LRBA: variants seen among roughly 807,000 people sequenced by gnomAD.
LRBA encodes the protein lipopolysaccharide-responsive and beige-like anchor protein.
A neutral mutation model predicts 330.0 loss-of-function variants in LRBA; 176 were observed. That is an observed-to-expected ratio of 0.53 (90% CI 0.47 to 0.60). The LOEUF (loss-of-function observed/expected upper bound fraction) is 0.60. Ranked by LOEUF, LRBA falls within the 20% of genes least tolerant of loss-of-function variation. LRBA has a pLI of 0.00. For synonymous variants in LRBA, 1,230 were observed against 1,193.0 expected (o/e 1.03, Z -0.64); for missense variants, 3,259 against 3,444.8 (o/e 0.95, Z 1.35).
chr4:150,909,741 T>C (rs1731766062), intron 9 of LRBA, among the ~76,000 whole-genome samples: 1 of 152,154 alleles, frequency 6.6e-6, no homozygotes, highest in Non-Finnish European at 1.5e-5. Context: ...CCTCATATTG[T>C]TGTCCATAGC....
chr4:150,463,794 A>G (rs1755084917), intron 44 of LRBA, among the ~76,000 whole-genome samples: 1 of 151,964 alleles, frequency 6.6e-6, no homozygotes, highest in Non-Finnish European at 1.5e-5. Flanking sequence ...ATATAATTTC[A>G]ATGAACATTC....
chr4:150,836,869 T>G (rs1413248338), intron 28 of LRBA, among the ~76,000 whole-genome samples: 1 of 152,236 alleles, frequency 6.6e-6, no homozygotes, highest in Non-Finnish European at 1.5e-5. Context: ...CTTCTCTAAT[T>G]ATTTTAATTG....
chr4:150,591,957 C>T (rs1331711378), intron 38 of LRBA, among the ~76,000 whole-genome samples: 10 of 152,064 alleles, frequency 6.6e-5, no homozygotes, highest in Admixed American at 6.5e-4. Flanking sequence ...CAGATGCTAA[C>T]TTCTAAATTG....
chr4:150,827,586 T>C (rs1450688587), intron 30 of LRBA, among the ~76,000 whole-genome samples: 1 of 151,882 alleles, frequency 6.6e-6, no homozygotes, highest in African/African-American at 2.4e-5. Context: ...TTTTCTTCCT[T>C]ATGATTTCTT....
chr4:150,554,268 T>C (rs1326758368), intron 40 of LRBA, among the ~76,000 whole-genome samples: 1 of 152,104 alleles, frequency 6.6e-6, no homozygotes, highest in Non-Finnish European at 1.5e-5. Flanking sequence ...ATAGTTAAAT[T>C]AAACAGAGTC....
chr4:150,280,806 G>A (rs373480546), intron 55 of LRBA, among the ~76,000 whole-genome samples: 3 of 152,192 alleles, frequency 2.0e-5, no homozygotes, highest in East Asian at 1.9e-4. Context: ...CTCGCCTCCC[G>A]AGGTAGTGAG....
At chr4:150,530,794 A>C (rs1272536656) in intron 40 of LRBA, among the ~76,000 whole-genome samples, 1 of 152,204 alleles carries the variant, frequency 6.6e-6, no homozygotes, top group African/African-American at 2.4e-5. Flanking sequence ...AGATGAGCAA[A>C]AAAGGAAAAG....
At chr4:150,379,416 G>C (rs1386420685) in intron 47 of LRBA, among the ~76,000 whole-genome samples, 1 of 149,448 alleles carries the variant, frequency 6.7e-6, no homozygotes, top group Non-Finnish European at 1.5e-5. Context: ...TATCAAGTTT[G>C]TATTAGAAAA....
At chr4:150,553,072 AAAAAAAAG>A (rs1413823137) in intron 40 of LRBA, among the ~76,000 whole-genome samples, 12 of 151,984 alleles carry the variant, frequency 7.9e-5, no homozygotes, top group Admixed American at 3.9e-4. Context: ...CTGTCTCAAA[AAAAAAAAG>A]AAAAAAAGAA....
intron 38 of LRBA, 108 bp from the exon 39 acceptor site, chr4:150,590,967 T>A: frequency 1.1e-6 from 1 of 904,356 alleles, no homozygotes; most frequent in Non-Finnish European, 1.7e-6. Flanking sequence ...CAATCTTTTA[T>A]ACACAGTGTC....
Position 150,828,247 on chromosome 4 carries a change from G to C in LRBA, c.5104C>G (p.Pro1702Ala). 1 of 1,614,144 alleles carries C rather than the reference G, an allele frequency of 6.2e-7. No homozygotes were observed. Among genetic ancestry groups the C allele is most frequent in the Non-Finnish European group, 8.5e-7 (1 of 1,180,006 alleles). Residue 1702 changes from proline (P) to alanine (A), a missense_variant, in exon 30 of 57, where the codon CCA becomes GCA. Coordinates refer to ENST00000651943, the MANE Select transcript of LRBA (RefSeq NM_001364905.1). Reference sequence around the variant, plus strand: ...TCACCAAGGGCTCCAAGGCAGGCTGGTGGCAGAAGGGCAGGATCCACTGTG... The same window carrying C: ...TCACCAAGGGCTCCAAGGCAGGCTGCTGGCAGAAGGGCAGGATCCACTGTG... ...GVTVDPALLP[P>A]ACLGALGDLS... is the part of the protein sequence containing the mutation.
chr4:150,367,169 G>A (rs936703678), intron 47 of LRBA, among the ~76,000 whole-genome samples: 1 of 151,982 alleles, frequency 6.6e-6, no homozygotes, highest in African/African-American at 2.4e-5. Context: ...TTCTTTAAAA[G>A]TGTTTTAGAA....
intron 37 of LRBA, among the ~76,000 whole-genome samples, chr4:150,619,394 C>G (rs1406185274): frequency 1.3e-5 from 2 of 152,056 alleles, no homozygotes; most frequent in African/African-American, 2.4e-5. Context: ...TCAAGTATTG[C>G]AAAGCTTAAC....
chr4:150,477,485 A>G (rs1210055033), intron 42 of LRBA, among the ~76,000 whole-genome samples: 1 of 152,124 alleles, frequency 6.6e-6, no homozygotes. Flanking sequence ...TTAAACCATC[A>G]GATCTCATGA....
At chr4:150,702,701 C>T (rs904383640) in intron 36 of LRBA, among the ~76,000 whole-genome samples, 2 of 152,072 alleles carry the variant, frequency 1.3e-5, no homozygotes, top group Non-Finnish European at 2.9e-5. Context: ...ACTGCAAAAA[C>T]GATTTTACAA....
intron 47 of LRBA, among the ~76,000 whole-genome samples, chr4:150,373,164 TGTGTGTGTGAGA>T (rs1382788859): frequency 8.1e-5 from 11 of 135,214 alleles, no homozygotes; most frequent in African/African-American, 1.6e-4. Context: ...TGTGTGTGTG[TGTGTGTGTGAGA>T]GAGAGAGAGA....
At chr4:150,713,221 C>G (rs1481625540) in intron 36 of LRBA, among the ~76,000 whole-genome samples, 2 of 152,136 alleles carry the variant, frequency 1.3e-5, no homozygotes, top group Non-Finnish European at 2.9e-5. Flanking sequence ...TAGGCATGAG[C>G]CACTGCATCC....
intron 47 of LRBA, among the ~76,000 whole-genome samples, chr4:150,405,408 A>G (rs1188398586): frequency 6.6e-6 from 1 of 152,212 alleles, no homozygotes; most frequent in Admixed American, 6.5e-5. Context: ...AACCACTGGT[A>G]TTTGAAAGTG....
At chr4:150,455,428 T>C (rs915434431) in intron 44 of LRBA, among the ~76,000 whole-genome samples, 1 of 152,002 alleles carries the variant, frequency 6.6e-6, no homozygotes, top group Non-Finnish European at 1.5e-5. Context: ...GTGGCACATA[T>C]ACACCATGGA....
Sources: gnomAD v4.1 joint callset for allele counts (sites outside exome capture counted in the v4.1 genomes callset) on GRCh38, gnomAD v4.1.1 for gene constraint, MANE v1.5 for transcripts, NCBI Gene and HGNC (gene_info 2026-07-23, HGNC 2026-07-21) for gene names.